Variants in XPR1 observed in about 807,000 individuals in gnomAD.
XPR1 encodes the protein xenotropic and polytropic retrovirus receptor 1, also known as solute carrier family 53 member 1.
A neutral mutation model predicts 87.5 loss-of-function variants in XPR1; 28 were observed. The ratio of observed to expected loss-of-function variants is 0.32; its 90% confidence interval spans 0.24 to 0.44. The LOEUF (loss-of-function observed/expected upper bound fraction) is 0.44, where lower values mean the gene tolerates loss of function less well. Ranked by LOEUF, XPR1 falls within the 20% of genes least tolerant of loss-of-function variation. XPR1 has a pLI of 1.00. For missense variants in XPR1, 559 were observed against 862.3 expected (o/e 0.65, Z 4.41); for synonymous variants, 300 against 306.1 (o/e 0.98, Z 0.21).
chr1:180,843,285 A>T (rs199540419), intron 11 of XPR1, among the ~76,000 whole-genome samples: 3 of 90,622 alleles, frequency 3.3e-5, no homozygotes, highest in Admixed American at 2.4e-4. Flanking sequence ...CATTAACTTT[A>T]AAAAAAAAAA....
At position 180,889,746 on chromosome 1, in the gene XPR1, G is replaced by T. The variant is rs1249292264; in HGVS notation, c.*5680G>T. 11 of 152,118 alleles carry T rather than the reference G, an allele frequency of 7.2e-5. No homozygotes were observed. Among genetic ancestry groups the T allele is most frequent in the Non-Finnish European group, 1.3e-4 (9 of 68,018 alleles). 9.4% of individuals were successfully genotyped at this position (152,118 alleles called of 1,614,324 possible). The stretch of plus-strand genomic sequence containing the variant: ...TGAAGAGTATTTAGGAGGGGAATAG[G>T]GGGAAAATTGTATTTTTCTGTTCAA... On this transcript the variant is annotated 3_prime_UTR_variant, in exon 15 of 15. Coordinates refer to ENST00000367590, the MANE Select transcript of XPR1 (RefSeq NM_004736.4).
intron 10 of XPR1, among the ~76,000 whole-genome samples, chr1:180,835,382 T>C (rs1651244661): frequency 6.6e-6 from 1 of 152,174 alleles, no homozygotes; most frequent in Non-Finnish European, 1.5e-5. Context: ...GTAACATATA[T>C]ACCAGTGATC....
At chr1:180,831,371 T>C (rs1317606666) in intron 9 of XPR1, among the ~76,000 whole-genome samples, 2 of 149,608 alleles carry the variant, frequency 1.3e-5, no homozygotes, top group Non-Finnish European at 3.0e-5. Context: ...TCTTTTTTTT[T>C]TTTTTTTTTT....
At chr1:180,642,052 A>T (rs923658520) in intron 1 of XPR1, among the ~76,000 whole-genome samples, 2 of 152,208 alleles carry the variant, frequency 1.3e-5, no homozygotes, top group Non-Finnish European at 2.9e-5. Flanking sequence ...AATGCCAATT[A>T]AAAGACTGGG....
intron 11 of XPR1, among the ~76,000 whole-genome samples, chr1:180,857,784 T>G (rs1427290373): frequency 6.6e-6 from 1 of 152,200 alleles, no homozygotes; most frequent in Admixed American, 6.5e-5. Flanking sequence ...TTGCTGAATA[T>G]ACAAGCAAGC....
chr1:180,798,432 T>TTTA (rs1649664837), intron 3 of XPR1, among the ~76,000 whole-genome samples: 1 of 152,136 alleles, frequency 6.6e-6, no homozygotes, highest in Admixed American at 6.6e-5. Flanking sequence ...ATATGAGAGT[T>TTTA]GTAAGAGACA....
chr1:180,782,990 C>A (rs531072567), intron 2 of XPR1, among the ~76,000 whole-genome samples: 3 of 152,014 alleles, frequency 2.0e-5, no homozygotes, highest in Admixed American at 6.6e-5. Flanking sequence ...TTACTGATTT[C>A]TAACATTATT....
chr1:180,806,390 A>AAT, intron 5 of XPR1, 84 bp from the exon 6 acceptor site: 2 of 1,504,004 alleles, frequency 1.3e-6, no homozygotes, highest in Non-Finnish European at 1.8e-6. Flanking sequence ...GTCAGAATAT[A>AAT]ATATATATAA....
intron 2 of XPR1, among the ~76,000 whole-genome samples, chr1:180,696,041 A>G (rs888485035): frequency 5.3e-5 from 8 of 151,526 alleles, no homozygotes; most frequent in Non-Finnish European, 1.0e-4. Context: ...TTTTAATGCT[A>G]TTAATTCTTC....
chr1:180,646,864 A>G lies in XPR1; in HGVS notation c.69+14594A>G, dbSNP rs527408068. Among the ~76,000 whole-genome samples the G allele has an allele frequency of 1.1e-4, 17 of 152,334 alleles. No individual in the cohort carries two copies. The South Asian group carries it at 3.5e-3, about 32-fold the overall frequency. ...AGCCTGCCACCAGATGCAGCTGTAC[A>G]ATTGATGTACATCAATCCTCTTTCT... is the stretch of plus-strand genomic sequence containing the variant. On this transcript the variant is annotated intron_variant, in intron 1 of 14. Coordinates refer to ENST00000367590, the MANE Select transcript of XPR1 (RefSeq NM_004736.4).
intron 2 of XPR1, among the ~76,000 whole-genome samples, chr1:180,737,163 C>A (rs1053072920): frequency 6.6e-6 from 1 of 152,030 alleles, no homozygotes; most frequent in Non-Finnish European, 1.5e-5. Context: ...TGGTATGTGG[C>A]AGGGGTAGAA....
intron 2 of XPR1, among the ~76,000 whole-genome samples, chr1:180,750,591 A>G (rs959046209): frequency 6.6e-6 from 1 of 151,412 alleles, no homozygotes; most frequent in African/African-American, 2.4e-5. Context: ...TTGGCTCTCT[A>G]TCTTATTCCA....
At chr1:180,731,834 C>G (rs1205343479) in intron 2 of XPR1, among the ~76,000 whole-genome samples, 1 of 152,186 alleles carries the variant, frequency 6.6e-6, no homozygotes, top group Non-Finnish European at 1.5e-5. Context: ...ATTCATGTAG[C>G]TAGTGGCTGT....
At chr1:180,828,643 A>G (rs1158688897) in intron 9 of XPR1, among the ~76,000 whole-genome samples, 1 of 152,176 alleles carries the variant, frequency 6.6e-6, no homozygotes, top group Non-Finnish European at 1.5e-5. Flanking sequence ...TAACTACTTT[A>G]TGTATTTTAA....
intron 2 of XPR1, among the ~76,000 whole-genome samples, chr1:180,711,559 G>A (rs1037446472): frequency 2.0e-5 from 3 of 152,064 alleles, no homozygotes; most frequent in African/African-American, 7.2e-5. Flanking sequence ...GCAGAGATGG[G>A]GGCAGTACAG....
chr1:180,705,914 G>A (rs1169741558), intron 2 of XPR1, among the ~76,000 whole-genome samples: 4 of 152,156 alleles, frequency 2.6e-5, no homozygotes, highest in Admixed American at 2.6e-4. Context: ...AATGACTAAT[G>A]GAGAAAAAGG....
intron 11 of XPR1, among the ~76,000 whole-genome samples, chr1:180,856,367 T>C (rs947993541): frequency 2.0e-5 from 3 of 152,088 alleles, no homozygotes; most frequent in African/African-American, 4.8e-5. Context: ...ATTCCCCTTA[T>C]AGATGGAAGA....
intron 2 of XPR1, among the ~76,000 whole-genome samples, chr1:180,753,624 T>C (rs1647616916): frequency 1.3e-5 from 2 of 152,036 alleles, no homozygotes; most frequent in Admixed American, 1.3e-4. Flanking sequence ...ATAAATAAGC[T>C]GAGGGGAAGA....
chr1:180,771,707 G>A (rs1293112937), intron 2 of XPR1, among the ~76,000 whole-genome samples: 1 of 152,116 alleles, frequency 6.6e-6, no homozygotes, highest in Non-Finnish European at 1.5e-5. Context: ...TCTGCCTGAT[G>A]TTTTCTCATT....
Sources: gnomAD v4.1 joint callset for allele counts (sites outside exome capture counted in the v4.1 genomes callset) on GRCh38, gnomAD v4.1.1 for gene constraint, MANE v1.5 for transcripts, NCBI Gene and HGNC (gene_info 2026-07-23, HGNC 2026-07-21) for gene names.